GPR158: variants seen among roughly 807,000 people sequenced by gnomAD.
GPR158 encodes the protein G protein-coupled receptor 158.
Under a neutral mutation model 78.2 loss-of-function variants are expected in GPR158, and 30 were observed. The observed-to-expected ratio is 0.38, with a 90% CI of 0.29 to 0.52. The LOEUF is 0.52. GPR158 is among the 20% of genes least tolerant of loss of function. The probability of loss-of-function intolerance (pLI) is 0.83; values close to 1 mark genes in which losing one functional copy is unlikely to be tolerated. For synonymous variants in GPR158, 581 were observed against 591.1 expected, an observed-to-expected ratio of 0.98 and a Z score of 0.25; for missense variants, 1,463 against 1,523.5, an observed-to-expected ratio of 0.96 and a Z score of 0.66.
chr10:25,387,803 C>T (rs189398590), intron 2 of GPR158, among the ~76,000 whole-genome samples: 7 of 152,062 alleles, frequency 4.6e-5, no homozygotes, highest in African/African-American at 1.7e-4. Flanking sequence ...TGTGAGCCAC[C>T]GTGCCTGGGC....
chr10:25,523,327 G>A (rs1836303070), intron 5 of GPR158, among the ~76,000 whole-genome samples: 1 of 152,220 alleles, frequency 6.6e-6, no homozygotes, highest in African/African-American at 2.4e-5. Context: ...CTGTGTGGAA[G>A]AACTCTTGGA....
rs1025934882 is a variant in GPR158, at chr10:25,249,272, C to T, written c.1008+28115C>T. On this transcript the variant is annotated intron_variant, in intron 2 of 10. Transcript: ENST00000376351. ...TCATCTGCAAACAGGGACAATTTGA[C>T]TTCCCCTTTTCCTAATTGAATACCC... is the stretch of plus-strand genomic sequence containing the variant. Among the ~76,000 whole-genome samples the T allele has an allele frequency of 2.9e-3, 436 of 152,288 alleles. 4 individuals are homozygous for T. In the South Asian group the frequency reaches 0.035, roughly 12 times the overall value.
chr10:25,411,658 AG>A (rs11344896), intron 3 of GPR158, among the ~76,000 whole-genome samples: 2,130 of 152,188 alleles, frequency 0.014, 50 homozygotes, highest in African/African-American at 0.049. Flanking sequence ...TTAGAAGGCC[AG>A]GTGCGGTGGC....
chr10:25,229,916 T>C (rs931219417), intron 2 of GPR158, among the ~76,000 whole-genome samples: 3 of 152,198 alleles, frequency 2.0e-5, no homozygotes, highest in East Asian at 1.9e-4. Flanking sequence ...GAAGTTCCCA[T>C]AGGCCCTGGA....
At chr10:25,179,383 G>A (rs1177243610) in intron 1 of GPR158, among the ~76,000 whole-genome samples, 1 of 151,918 alleles carries the variant, frequency 6.6e-6, no homozygotes, top group Non-Finnish European at 1.5e-5. Context: ...AAGGAGAAAA[G>A]GAGAAAAAAA....
chr10:25,179,672 A>G (rs915764088), intron 1 of GPR158, among the ~76,000 whole-genome samples: 11 of 152,148 alleles, frequency 7.2e-5, no homozygotes, highest in Middle Eastern at 3.2e-3. Context: ...CATAATACAC[A>G]TATGGGAAGA....
At chr10:25,462,944 T>A (rs1450367434) in intron 4 of GPR158, among the ~76,000 whole-genome samples, 1 of 152,212 alleles carries the variant, frequency 6.6e-6, no homozygotes, top group East Asian at 1.9e-4. Context: ...TGACTCCAAT[T>A]TTGAAAGAAC....
intron 2 of GPR158, among the ~76,000 whole-genome samples, chr10:25,338,485 CGT>C (rs904508541): frequency 4.0e-5 from 5 of 124,676 alleles, no homozygotes; most frequent in East Asian, 2.2e-4. Context: ...GTATAATATA[CGT>C]ATAATATACG....
chr10:25,467,742 C>A (rs1477563732), intron 5 of GPR158, among the ~76,000 whole-genome samples: 1 of 152,088 alleles, frequency 6.6e-6, no homozygotes, highest in African/African-American at 2.4e-5. Flanking sequence ...GAGAACAGTA[C>A]ACTTGGAAAG....
At chr10:25,578,665 T>C (rs1189607514) in intron 7 of GPR158, among the ~76,000 whole-genome samples, 1 of 152,182 alleles carries the variant, frequency 6.6e-6, no homozygotes, top group Non-Finnish European at 1.5e-5. Flanking sequence ...ATAAAATAGA[T>C]TTAATGAACA....
intron 5 of GPR158, among the ~76,000 whole-genome samples, chr10:25,520,372 C>G (rs550472941): frequency 6.8e-6 from 1 of 147,782 alleles, no homozygotes; most frequent in African/African-American, 2.6e-5. Flanking sequence ...CTTCTCTCAG[C>G]TCGTCAAAGT....
intron 2 of GPR158, among the ~76,000 whole-genome samples, chr10:25,234,121 G>T (rs1166324244): frequency 1.3e-5 from 2 of 152,130 alleles, no homozygotes; most frequent in Admixed American, 6.5e-5. Context: ...GGGGTCCCAA[G>T]ACTGAAATGT....
At chr10:25,256,180 A>G (rs538106478) in intron 2 of GPR158, among the ~76,000 whole-genome samples, 1 of 152,316 alleles carries the variant, frequency 6.6e-6, no homozygotes, top group African/African-American at 2.4e-5. Flanking sequence ...ACTGAAAAAA[A>G]AAAAACCTTT....
chr10:25,408,608 T>G (rs937957055), intron 3 of GPR158, among the ~76,000 whole-genome samples: 1 of 152,228 alleles, frequency 6.6e-6, no homozygotes, highest in African/African-American at 2.4e-5. Flanking sequence ...GACTCTGACT[T>G]CACTTATGTA....
intron 4 of GPR158, among the ~76,000 whole-genome samples, chr10:25,420,447 T>G (rs1007208223): frequency 2.0e-5 from 3 of 152,162 alleles, no homozygotes; most frequent in Admixed American, 6.5e-5. Flanking sequence ...GCCACCTTAC[T>G]TGGCCCCCAG....
chr10:25,432,151 T>C (rs553881282), intron 4 of GPR158, among the ~76,000 whole-genome samples: 1 of 152,176 alleles, frequency 6.6e-6, no homozygotes, highest in Non-Finnish European at 1.5e-5. Flanking sequence ...CAAACAAACC[T>C]CTTAGGAATC....
intron 2 of GPR158, among the ~76,000 whole-genome samples, chr10:25,380,098 C>G (rs958369909): frequency 6.6e-6 from 1 of 151,740 alleles, no homozygotes; most frequent in Non-Finnish European, 1.5e-5. Flanking sequence ...TCCCTCATTT[C>G]ACTAATATTT....
chr10:25,367,694 A>G (rs536895078), intron 2 of GPR158, among the ~76,000 whole-genome samples: 1 of 151,802 alleles, frequency 6.6e-6, no homozygotes, highest in South Asian at 2.1e-4. Flanking sequence ...CACCTTATAT[A>G]TTTCAAAGTC....
rs35949163 is a variant in GPR158 at position 25,316,887 on chromosome 10, TTGTG to T, written c.1009-79004_1009-79001del. On this transcript the variant is annotated intron_variant, in intron 2 of 10. Coordinates refer to ENST00000376351, the MANE Select transcript of GPR158 (RefSeq NM_020752.3). The stretch of plus-strand genomic sequence containing the variant: ...TATATTTATATATGTATGTATGTAT[TTGTG>T]TGTGTGTGTGTGTGTGTGTTTATGT... Among the ~76,000 whole-genome samples the T allele has an allele frequency of 4.4e-3, 566 of 127,228 alleles. 4 individuals carry two copies. Among genetic ancestry groups the T allele is most frequent in the Non-Finnish European group, 5.8e-3 (368 of 63,736 alleles). 83.5% of individuals were successfully genotyped at this position (127,228 alleles called of 152,430 possible).
Sources: allele counts gnomAD v4.1 joint callset (sites outside exome capture counted in the v4.1 genomes callset), GRCh38; gene constraint gnomAD v4.1.1; transcripts MANE v1.5; gene names NCBI Gene and HGNC (gene_info 2026-07-23, HGNC 2026-07-21).